The following DNAH10 variants were observed in gnomAD, a reference collection of about 807,000 sequenced individuals.
The protein encoded by DNAH10 is dynein axonemal heavy chain 10.
Under a neutral mutation model 506.6 loss-of-function variants are expected in DNAH10, and 348 were observed. The ratio of observed to expected loss-of-function variants is 0.69; its 90% confidence interval spans 0.63 to 0.75. The LOEUF (loss-of-function observed/expected upper bound fraction) is 0.75, where lower values mean the gene tolerates loss of function less well. Ranked by LOEUF, DNAH10 falls within the 30% of genes least tolerant of loss-of-function variation. The probability of loss-of-function intolerance (pLI) is 0.00; values close to 1 mark genes in which losing one functional copy is unlikely to be tolerated. For synonymous variants in DNAH10, 2,059 were observed against 2,198.6 expected (o/e 0.94, Z 1.78); for missense variants, 5,179 against 5,787.1 (o/e 0.89, Z 3.41).
At chr12:123,799,205 TTTTCAAGGAC>T in intron 13 of DNAH10, 31 bp from the exon 14 acceptor site, 4 of 1,450,402 alleles carry the variant, frequency 2.8e-6, no homozygotes, top group South Asian at 3.2e-5. Flanking sequence ...AAAAATGTTA[TTTTCAAGGAC>T]AAAATGACGG....
intron 59 of DNAH10, 73 bp downstream of exon 59, chr12:123,910,745 C>A: frequency 1.3e-6 from 2 of 1,539,954 alleles, no homozygotes; most frequent in Non-Finnish European, 1.7e-6. Context: ...CATGTACATA[C>A]CTTTGCTGAA....
intron 4 of DNAH10, 101 bp downstream of exon 4, chr12:123,773,043 C>T (rs1957316750): frequency 5.1e-6 from 4 of 788,214 alleles, no homozygotes; most frequent in Admixed American, 5.0e-5. Flanking sequence ...TTATCTTTCA[C>T]CTATGCCAAG....
At chr12:123,794,787 C>T (rs529533827) in intron 12 of DNAH10, among the ~76,000 whole-genome samples, 1 of 150,454 alleles carries the variant, frequency 6.6e-6, no homozygotes, top group East Asian at 2.0e-4. Flanking sequence ...GTTGAGGCTG[C>T]AGTGAGCCAT....
chr12:123,814,609 ATTT>A (rs1214217837), intron 21 of DNAH10, among the ~76,000 whole-genome samples: 128 of 121,176 alleles, frequency 1.1e-3, no homozygotes, highest in African/African-American at 3.4e-3. Context: ...GGCCAGGTAG[ATTT>A]TTTTTTTTTT....
intron 25 of DNAH10, among the ~76,000 whole-genome samples, chr12:123,827,988 C>G (rs1040677422): frequency 1.3e-5 from 2 of 152,082 alleles, no homozygotes; most frequent in Non-Finnish European, 2.9e-5. Context: ...ATCCCATAAC[C>G]CAGTGTTTCT....
rs532280211 is a variant in DNAH10, at chr12:123,905,980, C to T, written c.9815+2867C>T. 3.5e-3 allele frequency among the ~76,000 whole-genome samples: 536 copies of T among 151,808 alleles called. 2 individuals are homozygous for T. Among genetic ancestry groups the T allele is most frequent in the Middle Eastern group, 0.014 (4 of 294 alleles). ...TCACCCAGGCTGGAGTGCAGTGGCA[C>T]GATCTCGGCTCACTGCAACCTCCGC... On this transcript the variant is annotated intron_variant, in intron 57 of 78. Coordinates refer to ENST00000673944, the MANE Select transcript of DNAH10 (RefSeq NM_001372106.1).
Position 123,787,698 on chromosome 12 carries a change from G to C in DNAH10, c.1422-106G>C, listed in dbSNP as rs1288991383. 21 of 1,368,896 alleles carry C rather than the reference G, an allele frequency of 1.5e-5. No individual in the cohort carries two copies. The African/African-American group carries it at 1.9e-4, about 12-fold the overall frequency. 84.8% of individuals were successfully genotyped at this position (1,368,896 alleles called of 1,614,324 possible). A position where few individuals can be genotyped will look rare whatever the true frequency, so the allele number is the denominator to read the frequency against. Reference sequence around the variant, plus strand: ...CCGATGAGGCCGTGAAACCAGGGGGGGCGCCCGGGTCAGAGCTTCACGGGA... The same window carrying C: ...CCGATGAGGCCGTGAAACCAGGGGGCGCGCCCGGGTCAGAGCTTCACGGGA... On this transcript the variant is annotated intron_variant, in intron 9 of 78. Transcript: ENST00000673944. The surrounding 1 kb of genome is among the most constrained non-coding windows in gnomAD (Gnocchi z 4.6).
rs981833137 is a variant in DNAH10, at chr12:123,809,914, AG to A, written c.3144+962del. Among the ~76,000 whole-genome samples the A allele has an allele frequency of 1.5e-4, 23 of 152,156 alleles. 1 individual carries two copies. The highest frequency in any genetic ancestry group is 4.4e-5 in the Non-Finnish European group (3 of 68,028). Reference sequence around the variant, plus strand: ...GGGTTCCTCTTGCAAGGATCTCCATAGCTGTTCCCTCACCTGGAACATTCTG... The same window carrying A: ...GGGTTCCTCTTGCAAGGATCTCCATACTGTTCCCTCACCTGGAACATTCTG... On this transcript the variant is annotated intron_variant, in intron 19 of 78. Transcript: ENST00000673944.
intron 65 of DNAH10, among the ~76,000 whole-genome samples, chr12:123,921,923 C>T (rs1234832260): frequency 6.6e-6 from 1 of 151,578 alleles, no homozygotes; most frequent in Non-Finnish European, 1.5e-5. Context: ...CCATGTTGGC[C>T]AGGCTGGTCT....
At position 123,925,540 on chromosome 12, in the gene DNAH10, A is replaced by G. The variant is rs1954905871; in HGVS notation, c.11921+336A>G. The G allele has an allele frequency of 4.7e-6, 1 of 212,614 alleles. No individual in the cohort carries two copies. The allele number at this position is 212,614 out of a possible 1,614,324, so 13.2% of individuals were successfully genotyped here. ...TATAATCAATATGAACATGATTGAG[A>G]CATTTTACATGCTTTTTTCTGGTAT... On this transcript the variant is annotated intron_variant, in intron 68 of 78. Coordinates refer to ENST00000673944, the MANE Select transcript of DNAH10 (RefSeq NM_001372106.1). The surrounding 1 kb of genome is among the most constrained non-coding windows in gnomAD (Gnocchi z 4.0).
At chr12:123,796,504 G>A in intron 12 of DNAH10, 152 bp from the exon 13 acceptor site, 2 of 684,750 alleles carry the variant, frequency 2.9e-6, no homozygotes, top group Non-Finnish European at 4.7e-6. Flanking sequence ...AGAAAAAGTA[G>A]TAAATAATAA....
In DNAH10 at chr12:123,853,911, C is replaced by A. The variant is rs1306110026; in HGVS notation, c.6438+559C>A. Among the ~76,000 whole-genome samples the A allele has an allele frequency of 6.7e-6, 1 of 149,862 alleles. No homozygotes were observed. Among genetic ancestry groups the A allele is most frequent in the Non-Finnish European group, 1.5e-5 (1 of 67,458 alleles). On this transcript the variant is annotated intron_variant, in intron 36 of 78. Coordinates refer to ENST00000673944, the MANE Select transcript of DNAH10 (RefSeq NM_001372106.1). The surrounding 1 kb of genome is among the most constrained non-coding windows in gnomAD (Gnocchi z 4.7). ...GCACACACGTACGCACGCACATGTA[C>A]ACATACGCACACGCACGCACACGCA...
chr12:123,919,182 C>G lies in DNAH10; in HGVS notation c.11506+233C>G, dbSNP rs1954622990. ...CCTCCACCTCCCAGGCTCAGGTGATCCTCCTACCTCAGCCTCCAGAGTAGC... is the reference window on the plus strand; with the variant it reads ...CCTCCACCTCCCAGGCTCAGGTGATGCTCCTACCTCAGCCTCCAGAGTAGC... On this transcript the variant is annotated intron_variant, in intron 65 of 78. Transcript: ENST00000673944. The surrounding 1 kb of genome is among the most constrained non-coding windows in gnomAD (Gnocchi z 4.9). Among the ~76,000 whole-genome samples the G allele has an allele frequency of 6.6e-6, 1 of 151,848 alleles. No homozygotes were observed. Among genetic ancestry groups the G allele is most frequent in the Admixed American group, 6.6e-5 (1 of 15,246 alleles).
intron 33 of DNAH10, 136 bp downstream of exon 33, chr12:123,848,231 C>T: frequency 7.6e-7 from 1 of 1,320,954 alleles, no homozygotes; most frequent in African/African-American, 1.5e-5. Context: ...ACCACAGCCC[C>T]AGAACCTAAG....
At chr12:123,866,689 C>G (rs1440021740) in intron 41 of DNAH10, among the ~76,000 whole-genome samples, 1 of 152,206 alleles carries the variant, frequency 6.6e-6, no homozygotes, top group African/African-American at 2.4e-5. Context: ...TGATTTCTTT[C>G]ACAGCTACTC....
chr12:123,903,024 C>A lies in DNAH10; in HGVS notation c.9726C>A (p.Ala3242=). The change falls in exon 57 of 79, where the codon GCC becomes GCA. Residue 3242 remains alanine (A), a synonymous_variant. Coordinates refer to ENST00000673944, the MANE Select transcript of DNAH10 (RefSeq NM_001372106.1). This position sits in a 1 kb window ranked among gnomAD's most constrained non-coding sequence, Gnocchi z 4.6. ...TCATTGCCATGGAGAAGGCCGAGGCCGAGACGACCCTGGCAGAGGTCATGC... is the reference window on the plus strand; with the variant it reads ...TCATTGCCATGGAGAAGGCCGAGGCAGAGACGACCCTGGCAGAGGTCATGC... ...NKVIAMEKAE[A]ETTLAEVMPI... The A allele has an allele frequency of 6.2e-7, 1 of 1,605,948 alleles. No homozygotes were observed. The highest frequency in any genetic ancestry group is 1.7e-5 in the Admixed American group (1 of 58,840).
In DNAH10 at chr12:123,765,638, TCTAC is replaced by T. The variant is rs909351957; in HGVS notation, c.215-1956_215-1953del. Among the ~76,000 whole-genome samples, 5 of 152,116 alleles carry T rather than the reference TCTAC, an allele frequency of 3.3e-5. 1 individual carries two copies. The East Asian group carries it at 7.7e-4, about 24-fold the overall frequency. ...TATACATCTATTTATCTATCTCCTG[TCTAC>T]CTACCTACCTATACATCTATCTCTC... On this transcript the variant is annotated intron_variant, in intron 1 of 78. Transcript: ENST00000673944.
At chr12:123,872,461 C>T (rs1952073616) in intron 45 of DNAH10, among the ~76,000 whole-genome samples, 1 of 152,148 alleles carries the variant, frequency 6.6e-6, no homozygotes, top group African/African-American at 2.4e-5. Flanking sequence ...AGCTGGTGCT[C>T]ATCAGCCCAG....
intron 30 of DNAH10, among the ~76,000 whole-genome samples, chr12:123,845,173 A>AT (rs1950903052): frequency 6.6e-6 from 1 of 151,522 alleles, no homozygotes; most frequent in South Asian, 2.1e-4. Flanking sequence ...TTTTTAATTT[A>AT]TTTTTTGTAG....
Sources: allele counts gnomAD v4.1 joint callset (sites outside exome capture counted in the v4.1 genomes callset), GRCh38; gene constraint gnomAD v4.1.1; non-coding constraint Gnocchi (gnomAD v3.1); transcripts MANE v1.5; gene names NCBI Gene and HGNC (gene_info 2026-07-23, HGNC 2026-07-21).